The following ANO10 variants were observed in gnomAD, a reference collection of about 807,000 sequenced individuals.
The protein encoded by ANO10 is anoctamin-10.
In ANO10, 77 loss-of-function variants were observed where a neutral mutation model predicts 74.7. The observed-to-expected ratio is 1.03, with a 90% confidence interval of 0.86 to 1.25. ANO10 has a LOEUF of 1.25. Ranked by LOEUF, ANO10 falls within the 50% of genes most tolerant of loss-of-function variation. ANO10 has a pLI of 0.00. For synonymous variants in ANO10, 279 were observed against 284.9 expected (o/e 0.98, Z 0.21); for missense variants, 721 against 778.1 (o/e 0.93, Z 0.87).
At chr3:43,484,908 C>CT (rs1306985795) in intron 11 of ANO10, 3,237 of 600,516 alleles carry the variant, frequency 5.4e-3, no homozygotes, top group Non-Finnish European at 6.6e-3. Flanking sequence ...CAGTTTATGT[C>CT]TTTTTTTTTT....
chr3:43,683,750 G>A (rs369517796), intron 1 of ANO10, among the ~76,000 whole-genome samples: 4 of 152,118 alleles, frequency 2.6e-5, no homozygotes, highest in African/African-American at 9.7e-5. Context: ...CAATGGAACA[G>A]AACAGAGCCC....
At chr3:43,660,168 C>G (rs2083909291) in intron 1 of ANO10, among the ~76,000 whole-genome samples, 1 of 152,066 alleles carries the variant, frequency 6.6e-6, no homozygotes, top group South Asian at 2.1e-4. Context: ...CTGAAAATTC[C>G]CAAAACCAGA....
chr3:43,690,747 C>G, intron 1 of ANO10: 2 of 427,754 alleles, frequency 4.7e-6, no homozygotes, highest in East Asian at 7.5e-5. Flanking sequence ...GACTGTCCCG[C>G]CCCGCGCTTA....
At chr3:43,596,439 A>T (rs1024285275) in intron 4 of ANO10, among the ~76,000 whole-genome samples, 1 of 152,154 alleles carries the variant, frequency 6.6e-6, no homozygotes, top group Non-Finnish European at 1.5e-5. Context: ...AACAGAACAG[A>T]GCCCTCAGAA....
At chr3:43,578,325 T>G (rs575770081) in intron 5 of ANO10, among the ~76,000 whole-genome samples, 149 of 152,154 alleles carry the variant, frequency 9.8e-4, no homozygotes, top group Middle Eastern at 3.4e-3. Context: ...CCTTTCAATC[T>G]CAAGGAGCCT....
rs367784953 is a variant in ANO10, at chr3:43,565,732, CAAAA to C, written c.1219-9_1219-6del. ...AAAGCAATTGAGGAAGTTGAACTGC[CAAAA>C]AAAAAAAAAAAAAAGATAAGTGTTA... On this transcript the variant is annotated splice_region_variant and splice_polypyrimidine_tract_variant and intron_variant, in intron 7 of 12. Transcript: ENST00000292246. 808 of 1,267,904 alleles carry C rather than the reference CAAAA, an allele frequency of 6.4e-4. No homozygotes were observed. The highest frequency in any genetic ancestry group is 8.1e-4 in the Admixed American group (27 of 33,148). 78.5% of individuals were successfully genotyped at this position (1,267,904 alleles called of 1,614,324 possible). A position where few individuals can be genotyped will look rare whatever the true frequency, so the allele number is the denominator to read the frequency against.
chr3:43,422,800 A>G (rs1270064456), intron 12 of ANO10, among the ~76,000 whole-genome samples: 2 of 152,352 alleles, frequency 1.3e-5, no homozygotes, highest in East Asian at 3.9e-4. Flanking sequence ...AACCAATGAG[A>G]TAAGTAGTCA....
intron 11 of ANO10, among the ~76,000 whole-genome samples, chr3:43,478,011 CCT>C (rs2076136350): frequency 6.6e-6 from 1 of 152,172 alleles, no homozygotes; most frequent in African/African-American, 2.4e-5. Flanking sequence ...ACAATGCTTA[CCT>C]TGTGCCAGGC....
intron 1 of ANO10, among the ~76,000 whole-genome samples, chr3:43,662,519 C>A (rs927842295): frequency 6.6e-6 from 1 of 152,012 alleles, no homozygotes; most frequent in African/African-American, 2.4e-5. Flanking sequence ...AAAGAGCAAA[C>A]AAATTCAACA....
chr3:43,582,417 A>T (rs1316556057), intron 4 of ANO10, among the ~76,000 whole-genome samples: 2 of 152,168 alleles, frequency 1.3e-5, no homozygotes, highest in Non-Finnish European at 2.9e-5. Context: ...ATTGCACTCC[A>T]GCCTGGGTGA....
rs567862735 is a variant in ANO10 at position 43,683,130 on chromosome 3, G to A, written c.-12+8387C>T. Among the ~76,000 whole-genome samples, 6 of 152,296 alleles carry A rather than the reference G, an allele frequency of 3.9e-5. No homozygotes were observed. In the South Asian group the frequency reaches 1.2e-3, roughly 32 times the overall value. On this transcript the variant is annotated intron_variant, in intron 1 of 3. Transcript: ENST00000413397. ...AAAGGGTATTCAATTAGGAAAAGAGGAAGTCTAATTGTCCCTGTTTGCAGA... is the reference window on the plus strand; with the variant it reads ...AAAGGGTATTCAATTAGGAAAAGAGAAAGTCTAATTGTCCCTGTTTGCAGA...
At chr3:43,653,667 A>C (rs1201509964) in intron 1 of ANO10, among the ~76,000 whole-genome samples, 1 of 152,212 alleles carries the variant, frequency 6.6e-6, no homozygotes, top group Non-Finnish European at 1.5e-5. Context: ...CTAAGTCTCT[A>C]ATAATAGGTG....
chr3:43,647,186 T>TGTGTGTGA (rs1426780625), intron 1 of ANO10, among the ~76,000 whole-genome samples: 54 of 151,454 alleles, frequency 3.6e-4, no homozygotes, highest in African/African-American at 1.3e-3. Flanking sequence ...TGTGTGTGTG[T>TGTGTGTGA]GTGTGTATTC....
intron 6 of ANO10, among the ~76,000 whole-genome samples, chr3:43,575,394 T>C (rs1038587708): frequency 2.0e-5 from 3 of 152,134 alleles, no homozygotes; most frequent in South Asian, 2.1e-4. Flanking sequence ...ATCTTACACA[T>C]AGAGTGTTGG....
At chr3:43,554,314 C>G (rs2079630944) in intron 10 of ANO10, among the ~76,000 whole-genome samples, 1 of 151,920 alleles carries the variant, frequency 6.6e-6, no homozygotes, top group African/African-American at 2.4e-5. Flanking sequence ...CTGCCTCAGC[C>G]TCCTGAGTAG....
At chr3:43,433,304 T>G (rs1375408248) in intron 11 of ANO10, among the ~76,000 whole-genome samples, 1 of 152,094 alleles carries the variant, frequency 6.6e-6, no homozygotes, top group Non-Finnish European at 1.5e-5. Context: ...AAGGGTACCC[T>G]CAATGTTTTA....
chr3:43,564,260 C>G (rs2080198339), intron 8 of ANO10, among the ~76,000 whole-genome samples: 2 of 152,058 alleles, frequency 1.3e-5, no homozygotes, highest in Admixed American at 1.3e-4. Context: ...TCTTGAACTC[C>G]TGGGCTCAAG....
intron 11 of ANO10, among the ~76,000 whole-genome samples, chr3:43,454,538 A>G (rs1363907397): frequency 1.3e-5 from 2 of 152,086 alleles, no homozygotes; most frequent in African/African-American, 4.8e-5. Flanking sequence ...AGAGAGGAAG[A>G]GAGAAATGGA....
At chr3:43,656,924 C>G (rs574705032) in intron 1 of ANO10, among the ~76,000 whole-genome samples, 1 of 152,358 alleles carries the variant, frequency 6.6e-6, no homozygotes, top group Admixed American at 6.5e-5. Flanking sequence ...AAAGTGGGAG[C>G]CCAGGCAGAG....
Sources: allele counts gnomAD v4.1 joint callset (sites outside exome capture counted in the v4.1 genomes callset), GRCh38; gene constraint gnomAD v4.1.1; transcripts MANE v1.5; gene names NCBI Gene and HGNC (gene_info 2026-07-23, HGNC 2026-07-21).